The following PCDHA2 variants were observed in gnomAD, a reference collection of about 807,000 sequenced individuals.
PCDHA2 encodes protocadherin alpha-2.
A neutral mutation model predicts 66.0 loss-of-function variants in PCDHA2; 58 were observed. The ratio of observed to expected loss-of-function variants is 0.88; its 90% CI spans 0.71 to 1.09. The LOEUF (loss-of-function observed/expected upper bound fraction) is 1.09. Ranked by LOEUF, PCDHA2 falls within the 50% of genes least tolerant of loss-of-function variation. The pLI is 0.00. For synonymous variants in PCDHA2, 634 were observed against 554.0 expected, an observed-to-expected ratio of 1.14 and a Z score of -2.03; for missense variants, 1,267 against 1,242.3, an observed-to-expected ratio of 1.02 and a Z score of -0.30.
At chr5:140,885,685 A>G (rs2060694021) in intron 1 of PCDHA2, among the ~76,000 whole-genome samples, 1 of 152,198 alleles carries the variant, frequency 6.6e-6, no homozygotes, top group African/African-American at 2.4e-5. Flanking sequence ...TATCTCAAGA[A>G]GCAATAGTGG....
At chr5:140,965,254 T>C (rs2153743153) in intron 1 of PCDHA2, among the ~76,000 whole-genome samples, 1 of 152,302 alleles carries the variant, frequency 6.6e-6, no homozygotes, top group African/African-American at 2.4e-5. Context: ...TATTCAGAAC[T>C]GAGCAGCAGA....
chr5:140,836,864 T>C (rs1774785013), intron 1 of PCDHA2: 1 of 755,194 alleles, frequency 1.3e-6, no homozygotes, highest in Non-Finnish European at 2.1e-6. Context: ...TTTTTAATGT[T>C]ATGCTGTATT....
At position 140,979,295 on chromosome 5, in the gene PCDHA2, C is replaced by A. The variant is rs180999093; in HGVS notation, c.2447+288C>A. Among the ~76,000 whole-genome samples, 27 of 152,270 alleles carry A rather than the reference C, an allele frequency of 1.8e-4. 1 individual carries two copies. The highest frequency in any genetic ancestry group is 4.1e-4 in the African/African-American group (17 of 41,558). ...TTCTACAGGGAAGTAATTTCAACCT[C>A]CTTCATCCCTCTCTACCTATGCTTT... On this transcript the variant is annotated intron_variant, in intron 2 of 3. Coordinates refer to ENST00000526136, the MANE Select transcript of PCDHA2 (RefSeq NM_018905.3).
intron 1 of PCDHA2, chr5:140,881,263 G>A: frequency 1.7e-6 from 1 of 575,868 alleles, no homozygotes; most frequent in Non-Finnish European, 2.2e-6. Flanking sequence ...TTTACTCAGT[G>A]ATGATGAAGT....
chr5:140,937,521 G>A (rs1244752316), intron 1 of PCDHA2, among the ~76,000 whole-genome samples: 1 of 152,106 alleles, frequency 6.6e-6, no homozygotes, highest in Non-Finnish European at 1.5e-5. Context: ...GGAGGCTGAG[G>A]CAGGAGAATT....
rs1340886726 is a variant in PCDHA2, at chr5:140,874,290, G to A, written c.2388+76938G>A. Among the ~76,000 whole-genome samples, 3 of 152,146 alleles carry A rather than the reference G, an allele frequency of 2.0e-5. No homozygotes were observed. The East Asian group carries it at 5.8e-4, about 29-fold the overall frequency. On this transcript the variant is annotated intron_variant, in intron 1 of 3. Transcript: ENST00000526136. ...GTATTAATAGACTTACAAAATCTAT[G>A]TGTACTTGTTCACAATGAGTTGTAG...
intron 1 of PCDHA2, chr5:140,876,996 G>T (rs1554169201): frequency 1.2e-6 from 2 of 1,612,618 alleles, no homozygotes; most frequent in East Asian, 2.2e-5. Context: ...CGAGCTACGT[G>T]TCGGTGCACG....
chr5:140,849,825 G>A, intron 1 of PCDHA2: 1 of 1,598,526 alleles, frequency 6.3e-7, no homozygotes, highest in Non-Finnish European at 8.6e-7. Context: ...GGTGTCTGTG[G>A]AGGTGGCCGA....
chr5:140,985,289 T>C (rs2097145554), intron 3 of PCDHA2, among the ~76,000 whole-genome samples: 2 of 152,172 alleles, frequency 1.3e-5, no homozygotes, highest in African/African-American at 4.8e-5. Flanking sequence ...ATCTATGATA[T>C]AGTGTTGGCT....
chr5:140,802,053 T>C, intron 1 of PCDHA2: 1 of 1,614,190 alleles, frequency 6.2e-7, no homozygotes, highest in Non-Finnish European at 8.5e-7. Flanking sequence ...TACGGACATG[T>C]CAGCAGATAT....
chr5:140,885,385 T>C (rs2060578484), intron 1 of PCDHA2, among the ~76,000 whole-genome samples: 1 of 152,194 alleles, frequency 6.6e-6, no homozygotes, highest in South Asian at 2.1e-4. Flanking sequence ...TGGCAGTCCC[T>C]GCAAATCTAA....
chr5:140,883,707 A>C, intron 1 of PCDHA2: 1 of 1,613,636 alleles, frequency 6.2e-7, no homozygotes. Context: ...GTGTCTGCTC[A>C]GGACGCGGAC....
chr5:140,870,478 T>C (rs782114058), intron 1 of PCDHA2: 1 of 1,614,112 alleles, frequency 6.2e-7, no homozygotes, highest in Admixed American at 1.7e-5. Flanking sequence ...ACAGCCCGAG[T>C]ACACCGTGTT....
intron 1 of PCDHA2, among the ~76,000 whole-genome samples, chr5:140,911,105 G>A (rs960375597): frequency 3.2e-4 from 48 of 152,082 alleles, no homozygotes; most frequent in African/African-American, 1.2e-3. Flanking sequence ...CTGCCTCAGG[G>A]GAAGCCATCA....
chr5:140,851,812 G>A, intron 1 of PCDHA2: 1 of 953,880 alleles, frequency 1.0e-6, no homozygotes, highest in Non-Finnish European at 1.3e-6. Context: ...TAATCCATAA[G>A]ACAGAAATCT....
rs56843453 is a variant in PCDHA2 at position 141,000,391 on chromosome 5, C to A, written c.2537-9236C>A. Reference sequence around the variant, plus strand: ...TCTCTCTCTCTCTCTCTCTCTCTCTCTCTCTATATATATATATATATATAT... The same window carrying A: ...TCTCTCTCTCTCTCTCTCTCTCTCTATCTCTATATATATATATATATATAT... On this transcript the variant is annotated intron_variant, in intron 3 of 3. Transcript: ENST00000526136. Among the ~76,000 whole-genome samples the A allele has an allele frequency of 8.6e-3, 487 of 56,544 alleles. 1 individual carries two copies. Among genetic ancestry groups the A allele is most frequent in the Non-Finnish European group, 9.4e-3 (310 of 32,842 alleles). The allele number at this position is 56,544 out of a possible 152,430, so 37.1% of individuals were successfully genotyped here.
chr5:140,884,167 G>T (rs1554181302), intron 1 of PCDHA2: 2 of 1,613,294 alleles, frequency 1.2e-6, no homozygotes, highest in African/African-American at 1.3e-5. Context: ...AGATCAGCAC[G>T]ACGCGCCCTC....
intron 1 of PCDHA2, among the ~76,000 whole-genome samples, chr5:140,911,564 CTT>C (rs1188784239): frequency 6.6e-6 from 1 of 152,226 alleles, no homozygotes. Flanking sequence ...TCTTTCATCA[CTT>C]TGTCCAGTGA....
rs2150475866 is a variant in PCDHA2 at position 140,850,252 on chromosome 5, GCGC to G, written c.2388+52903_2388+52905del. The G allele has an allele frequency of 1.9e-6, 3 of 1,593,828 alleles. 1 individual carries two copies. The Admixed American group carries it at 5.1e-5, about 27-fold the overall frequency. On this transcript the variant is annotated intron_variant, in intron 1 of 3. Transcript: ENST00000526136. ...AGCGAGATGGTGCTGCGGTCGGTGG[GCGC>G]CGGCGTAGTGGTGGGGAAGGTGCGC...
Sources: gnomAD v4.1 joint callset for allele counts (sites outside exome capture counted in the v4.1 genomes callset) on GRCh38, gnomAD v4.1.1 for gene constraint, MANE v1.5 for transcripts, NCBI Gene and HGNC (gene_info 2026-07-23, HGNC 2026-07-21) for gene names.